The following DGKZ variants were observed in gnomAD, a reference collection of about 807,000 sequenced individuals.
The protein encoded by DGKZ is DAG kinase zeta.
In DGKZ, 45 loss-of-function variants were observed where a neutral mutation model predicts 142.5. The ratio of observed to expected loss-of-function variants is 0.32; its 90% CI spans 0.25 to 0.40. DGKZ has a LOEUF of 0.40. DGKZ is among the 10% of genes least tolerant of loss of function. The probability of loss-of-function intolerance (pLI) is 1.00; values close to 1 mark genes in which losing one functional copy is unlikely to be tolerated. For missense variants in DGKZ, 755 were observed against 1,306.5 expected (o/e 0.58, Z 6.51); for synonymous variants, 442 against 527.0 (o/e 0.84, Z 2.21).
chr11:46,337,772 G>GAAAC (rs1344622316), intron 1 of DGKZ, among the ~76,000 whole-genome samples: 1 of 149,126 alleles, frequency 6.7e-6, no homozygotes, highest in African/African-American at 2.6e-5. Flanking sequence ...GGCAGGGCAG[G>GAAAC]AAACAAACAA....
chr11:46,369,928 C>T lies in DGKZ; in HGVS notation c.502-13C>T, dbSNP rs371488140. On this transcript the variant is annotated splice_polypyrimidine_tract_variant and intron_variant, in intron 5 of 30. Coordinates refer to ENST00000527911, the Ensembl canonical transcript of DGKZ. ...ACCCCTCACCCAGTGAAATTTTTCC[C>T]CTTCTCCCCCAGCCAACCTTTGTAC... The T allele has an allele frequency of 1.2e-6, 2 of 1,613,778 alleles. No individual in the cohort carries two copies. The highest frequency in any genetic ancestry group is 2.7e-5 in the African/African-American group (2 of 74,936).
intron 14 of DGKZ, 125 bp from the exon 15 acceptor site, chr11:46,374,032 C>T (rs1173590004): frequency 1.7e-5 from 17 of 1,008,392 alleles, no homozygotes; most frequent in Middle Eastern, 2.6e-4. Flanking sequence ...TGAGCCCTAG[C>T]GGACGCTGCT....
At chr11:46,349,551 T>C (rs1476427268) in intron 1 of DGKZ, among the ~76,000 whole-genome samples, 1 of 144,352 alleles carries the variant, frequency 6.9e-6, no homozygotes, top group Non-Finnish European at 1.5e-5. Flanking sequence ...TATTCTTCCT[T>C]TTGTAAAACA....
At chr11:46,351,502 G>T (rs2136406394) in intron 1 of DGKZ, among the ~76,000 whole-genome samples, 1 of 152,348 alleles carries the variant, frequency 6.6e-6, no homozygotes, top group Admixed American at 6.5e-5. Flanking sequence ...AGCAGAAGCA[G>T]CCCCTGTTTG....
intron 5 of DGKZ, 69 bp from the exon 6 acceptor site, chr11:46,369,872 G>T: frequency 3.2e-6 from 5 of 1,547,228 alleles, no homozygotes; most frequent in Non-Finnish European, 4.5e-6. Context: ...GTTGAGCCGT[G>T]TGGGCAGTCC....
chr11:46,366,640 C>CGAG (rs905201244), intron 1 of DGKZ: 1 of 1,602,550 alleles, frequency 6.2e-7, no homozygotes, highest in Non-Finnish European at 8.5e-7. Flanking sequence ...ATGTGGTAGC[C>CGAG]GAGGCATCGA....
intron 1 of DGKZ, among the ~76,000 whole-genome samples, chr11:46,356,170 C>T (rs1409252028): frequency 6.6e-6 from 1 of 152,128 alleles, no homozygotes; most frequent in Non-Finnish European, 1.5e-5. Context: ...TGGGGGCCCG[C>T]GAGGGGTTTA....
rs1373288953 is a variant in DGKZ at position 46,363,692 on chromosome 11, C to T, written c.162-3599C>T. Among the ~76,000 whole-genome samples, 4 of 152,340 alleles carry T rather than the reference C, an allele frequency of 2.6e-5. 1 individual carries two copies. The highest frequency in any genetic ancestry group is 6.8e-3 in the Middle Eastern group (2 of 294). ...CCCACTGACTGTGGCCTTTTGTTTT[C>T]TGGGTGACAGTAGCATCAGGCGGTG... On this transcript the variant is annotated intron_variant, in intron 1 of 30. Coordinates refer to ENST00000527911, the Ensembl canonical transcript of DGKZ.
Position 46,367,791 on chromosome 11 carries a change from G to A in DGKZ, c.366+44G>A. On this transcript the variant is annotated intron_variant, in intron 3 of 30. Transcript: ENST00000527911. This position sits in a 1 kb window ranked among gnomAD's most constrained non-coding sequence, Gnocchi z 4.1. ...ACGCCGCCCCCTGCTGGTGGAGCCAGTAGCCGCAGCCCTTCCGGGAACGTG... is the reference window on the plus strand; with the variant it reads ...ACGCCGCCCCCTGCTGGTGGAGCCAATAGCCGCAGCCCTTCCGGGAACGTG... The A allele has an allele frequency of 6.2e-7, 1 of 1,607,770 alleles. No homozygotes were observed. The highest frequency in any genetic ancestry group is 8.5e-7 in the Non-Finnish European group (1 of 1,175,640).
intron 1 of DGKZ, chr11:46,366,292 G>A (rs773163185): frequency 6.3e-7 from 1 of 1,583,910 alleles, no homozygotes; most frequent in East Asian, 2.2e-5. Context: ...TCCGGGGGAA[G>A]GTGCCAGGCC....
At chr11:46,378,866 G>GTTT (rs1944873016) in intron 27 of DGKZ, 125 bp from the exon 28 acceptor site, 1 of 1,414,232 alleles carries the variant, frequency 7.1e-7, no homozygotes, top group Non-Finnish European at 9.3e-7. Flanking sequence ...CAACTCAGGA[G>GTTT]TAAGATGTGT....
intron 1 of DGKZ, chr11:46,366,770 G>C (rs371719770): frequency 6.5e-7 from 1 of 1,549,212 alleles, no homozygotes; most frequent in Middle Eastern, 1.7e-4. Flanking sequence ...CGCGGATGCC[G>C]TATATGACCA....
intron 25 of DGKZ, chr11:46,377,963 A>G: frequency 1.7e-6 from 1 of 599,890 alleles, no homozygotes; most frequent in Non-Finnish European, 3.0e-6. Flanking sequence ...TGCTCTCAGA[A>G]CTCCTTATTT....
chr11:46,379,912 A>T, exon 31 of DGKZ: 2 of 1,608,512 alleles, frequency 1.2e-6, no homozygotes, highest in Non-Finnish European at 1.7e-6. Context: ...GCACTACCAG[A>T]TGATCCAGCG....
chr11:46,371,464 G>GC lies in DGKZ; in HGVS notation c.643-20dup, dbSNP rs1943937609. On this transcript the variant is annotated intron_variant, in intron 7 of 30. Coordinates refer to ENST00000527911, the Ensembl canonical transcript of DGKZ. ...CCGAGTCTGAACACGGTCCCGCTGA[G>GC]CCCGGCCCCTCGCTCTCCTCAGTAC... 1.9e-6 allele frequency: 3 copies of GC among 1,601,778 alleles called. No homozygotes were observed. The South Asian group carries it at 3.4e-5, about 18-fold the overall frequency.
chr11:46,374,730 C>T (rs1189412338), intron 17 of DGKZ, 36 bp from the exon 18 acceptor site: 1 of 1,612,272 alleles, frequency 6.2e-7, no homozygotes, highest in African/African-American at 1.3e-5. Context: ...GGCCACCTGG[C>T]ACATGCACCT....
At chr11:46,333,613 A>T (rs1321091800) in intron 1 of DGKZ, 1 of 871,356 alleles carries the variant, frequency 1.1e-6, no homozygotes, top group Non-Finnish European at 1.8e-6. Context: ...ATGACTGCCG[A>T]GGGATCTCTG....
rs1365096304 is a variant in DGKZ at position 46,369,490 on chromosome 11, A to G, written c.445-4A>G. Reference sequence around the variant, plus strand: ...ATTTTGGTGGTCACTGCCATGTTTCACAGATAAATTTCCGCTGTAAGCCGT... The same window carrying G: ...ATTTTGGTGGTCACTGCCATGTTTCGCAGATAAATTTCCGCTGTAAGCCGT... On this transcript the variant is annotated splice_polypyrimidine_tract_variant and splice_region_variant and intron_variant, in intron 4 of 30. Coordinates refer to ENST00000527911, the Ensembl canonical transcript of DGKZ. The G allele has an allele frequency of 6.2e-7, 1 of 1,613,936 alleles. No individual in the cohort carries two copies. The highest frequency in any genetic ancestry group is 8.5e-7 in the Non-Finnish European group (1 of 1,180,026).
intron 1 of DGKZ, among the ~76,000 whole-genome samples, chr11:46,356,763 G>A (rs771379259): frequency 6.6e-6 from 1 of 152,204 alleles, no homozygotes; most frequent in Non-Finnish European, 1.5e-5. Context: ...GACGACTTCA[G>A]GCAAATGACT....
Sources: allele counts gnomAD v4.1 joint callset (sites outside exome capture counted in the v4.1 genomes callset), GRCh38; gene constraint gnomAD v4.1.1; non-coding constraint Gnocchi (gnomAD v3.1); transcripts MANE v1.5; gene names NCBI Gene and HGNC (gene_info 2026-07-23, HGNC 2026-07-21).